The following HBS1L variants were observed in gnomAD, a reference collection of about 807,000 sequenced individuals.
HBS1L encodes the protein HBS1-like protein.
A neutral mutation model predicts 88.9 loss-of-function variants in HBS1L; 55 were observed. The observed-to-expected ratio is 0.62, with a 90% CI of 0.50 to 0.77. The LOEUF is 0.77. Ranked by LOEUF, HBS1L falls within the 30% of genes least tolerant of loss-of-function variation. HBS1L has a pLI of 0.00. For synonymous variants in HBS1L, 267 were observed against 288.5 expected, an observed-to-expected ratio of 0.93 and a Z score of 0.76; for missense variants, 741 against 829.3, an observed-to-expected ratio of 0.89 and a Z score of 1.31.
intron 4 of HBS1L, among the ~76,000 whole-genome samples, chr6:135,025,170 A>G (rs1368208658): frequency 6.6e-6 from 1 of 152,218 alleles, no homozygotes; most frequent in Admixed American, 6.5e-5. Flanking sequence ...ATTTTCCCGA[A>G]AGAGAGCAAG....
intron 4 of HBS1L, among the ~76,000 whole-genome samples, chr6:135,018,585 T>C (rs779001465): frequency 1.3e-5 from 2 of 151,990 alleles, no homozygotes; most frequent in Non-Finnish European, 2.9e-5. Context: ...TAAATTATCA[T>C]ATTATGACCA....
chr6:134,970,628 A>G (rs1361179555), intron 15 of HBS1L, among the ~76,000 whole-genome samples: 1 of 152,220 alleles, frequency 6.6e-6, no homozygotes, highest in African/African-American at 2.4e-5. Context: ...AAAAAGGTTA[A>G]GCAATTTAAT....
rs1774256116 is a variant in HBS1L, at chr6:134,964,574, T to C, written c.*705A>G. ...GATCCCACAAAACCCCTAAATCATA[T>C]TTACTGTTAGTGGCAGAGAATCTCA... On this transcript the variant is annotated 3_prime_UTR_variant, in exon 18 of 18. Coordinates refer to ENST00000367837, the MANE Select transcript of HBS1L (RefSeq NM_006620.4). 1 of 152,142 alleles carries C rather than the reference T, an allele frequency of 6.6e-6. No homozygotes were observed. Among genetic ancestry groups the C allele is most frequent in the African/African-American group, 2.4e-5 (1 of 41,414 alleles). 9.4% of individuals were successfully genotyped at this position (152,142 alleles called of 1,614,324 possible). A position where few individuals can be genotyped will look rare whatever the true frequency, so the allele number is the denominator to read the frequency against.
chr6:134,983,056 C>A (rs1381935612), intron 12 of HBS1L: 1 of 152,280 alleles, frequency 6.6e-6, no homozygotes, highest in African/African-American at 2.4e-5. Context: ...AGCTTGTATG[C>A]ATGAGTAGGG....
At chr6:135,008,562 G>A (rs1390187849) in intron 4 of HBS1L, among the ~76,000 whole-genome samples, 2 of 152,138 alleles carry the variant, frequency 1.3e-5, no homozygotes, top group Admixed American at 6.5e-5. Flanking sequence ...CCTTCCTGCG[G>A]CTAAGATCTA....
chr6:134,972,173 T>C (rs1774509746), intron 15 of HBS1L, among the ~76,000 whole-genome samples: 1 of 152,218 alleles, frequency 6.6e-6, no homozygotes, highest in Non-Finnish European at 1.5e-5. Flanking sequence ...CTATTCTTCG[T>C]GTAGGGTTAT....
chr6:134,979,728 CT>C (rs976987440), intron 13 of HBS1L, among the ~76,000 whole-genome samples: 4 of 151,938 alleles, frequency 2.6e-5, no homozygotes, highest in African/African-American at 9.7e-5. Flanking sequence ...ACAAATAATC[CT>C]TGTTTTCCAA....
At position 134,986,094 on chromosome 6, in the gene HBS1L, A is replaced by AT. The variant is rs777621273; in HGVS notation, c.1394dup (p.Tyr465Ter). The AT allele has an allele frequency of 3.2e-6, 5 of 1,559,552 alleles. No homozygotes were observed. Among genetic ancestry groups the AT allele is most frequent in the Non-Finnish European group, 3.5e-6 (4 of 1,131,700 alleles). Residue 465 changes from tyrosine to a stop codon, truncating the protein, a stop_gained and frameshift_variant, in exon 11 of 18, where the codon TAT becomes TAAT. Coordinates refer to ENST00000367837, the MANE Select transcript of HBS1L (RefSeq NM_006620.4). LOFTEE classifies it high-confidence loss of function. ...RSQSSELTKW[Y>*]KGLCLLEQID... ...TTTGTTCTAATAAACATAGTCCTTT[A>AT]TACCATTTTGTGAGTTCACTTGACT...
In HBS1L at chr6:134,961,970, T is replaced by C. The variant is rs1774198317; in HGVS notation, c.*3309A>G. The C allele has an allele frequency of 1.3e-5, 2 of 152,180 alleles. No homozygotes were observed. Among genetic ancestry groups the C allele is most frequent in the Admixed American group, 6.5e-5 (1 of 15,272 alleles). The allele number at this position is 152,180 out of a possible 1,614,324, so 9.4% of individuals were successfully genotyped here. Reference sequence around the variant, plus strand: ...TCCAATCTTAAAGTTTTGAATTATCTCTTTATGATACCCTGTCCCCTGGTT... The same window carrying C: ...TCCAATCTTAAAGTTTTGAATTATCCCTTTATGATACCCTGTCCCCTGGTT... On this transcript the variant is annotated 3_prime_UTR_variant, in exon 18 of 18. Transcript: ENST00000367837.
chr6:135,046,844 A>G (rs1776927469), intron 2 of HBS1L, among the ~76,000 whole-genome samples: 1 of 152,242 alleles, frequency 6.6e-6, no homozygotes, highest in South Asian at 2.1e-4. Context: ...AGAATAGAAA[A>G]TATTCTTCTA....
intron 4 of HBS1L, among the ~76,000 whole-genome samples, chr6:135,019,471 CA>C (rs2114852082): frequency 6.6e-6 from 1 of 151,960 alleles, no homozygotes; most frequent in South Asian, 2.1e-4. Context: ...CTGTATTAAT[CA>C]AATTTAAAAG....
At chr6:135,036,726 C>G (rs1776563180) in intron 4 of HBS1L, 1 of 1,550,968 alleles carries the variant, frequency 6.4e-7, no homozygotes, top group Admixed American at 2.0e-5. Context: ...GGGTGCGTCG[C>G]TTGCAGCTTT....
intron 8 of HBS1L, among the ~76,000 whole-genome samples, chr6:134,990,136 C>T (rs1775089865): frequency 6.6e-6 from 1 of 152,102 alleles, no homozygotes; most frequent in South Asian, 2.1e-4. Flanking sequence ...TATTAAGATA[C>T]CTAAGGCCAC....
At chr6:135,044,869 C>T (rs1776860781) in intron 2 of HBS1L, among the ~76,000 whole-genome samples, 1 of 152,118 alleles carries the variant, frequency 6.6e-6, no homozygotes, top group African/African-American at 2.4e-5. Flanking sequence ...AAGTTTCAGT[C>T]AGGAAATACT....
chr6:135,016,858 G>A (rs139660965), intron 4 of HBS1L, among the ~76,000 whole-genome samples: 233 of 152,238 alleles, frequency 1.5e-3, no homozygotes, highest in Middle Eastern at 6.8e-3. Context: ...CTCTAACCCA[G>A]TGATTCTCAG....
At chr6:135,029,059 G>A (rs947169682) in intron 4 of HBS1L, among the ~76,000 whole-genome samples, 1 of 151,974 alleles carries the variant, frequency 6.6e-6, no homozygotes, top group Non-Finnish European at 1.5e-5. Flanking sequence ...GAGAAAAGAT[G>A]GTGGAGAAAT....
chr6:134,978,538 A>G (rs909700235), intron 15 of HBS1L, 141 bp downstream of exon 15: 6 of 454,522 alleles, frequency 1.3e-5, no homozygotes, highest in South Asian at 6.2e-5. Context: ...TTTTCTAATT[A>G]TAAGTTTTTC....
chr6:135,025,154 C>T (rs1198710451), intron 4 of HBS1L, among the ~76,000 whole-genome samples: 1 of 152,198 alleles, frequency 6.6e-6, no homozygotes, highest in Non-Finnish European at 1.5e-5. Flanking sequence ...AAAAAACACC[C>T]ATCCCATTTT....
intron 4 of HBS1L, among the ~76,000 whole-genome samples, chr6:135,015,480 T>C: frequency 6.6e-6 from 1 of 152,142 alleles, no homozygotes; most frequent in Middle Eastern, 3.2e-3. Flanking sequence ...CTCATGGAAG[T>C]GGTATTCCCA....
Sources: allele counts gnomAD v4.1 joint callset (sites outside exome capture counted in the v4.1 genomes callset), GRCh38; gene constraint gnomAD v4.1.1; transcripts MANE v1.5; gene names NCBI Gene and HGNC (gene_info 2026-07-23, HGNC 2026-07-21).